Variants in ANKRD46 observed in about 807,000 individuals in gnomAD.
ANKRD46 encodes the protein ankyrin repeat domain 46.
A neutral mutation model predicts 19.8 loss-of-function variants in ANKRD46; 13 were observed. The ratio of observed to expected loss-of-function variants is 0.66; its 90% CI spans 0.43 to 1.04. ANKRD46 has a LOEUF of 1.04. Among genes scored for constraint, ANKRD46 ranks in the 50% least tolerant of loss-of-function variants. ANKRD46 has a pLI of 0.00. For missense variants in ANKRD46, 185 were observed against 274.8 expected (o/e 0.67, Z 2.31); for synonymous variants, 91 against 106.9 (o/e 0.85, Z 0.92).
At chr8:100,535,399 C>G (rs912866212) in intron 1 of ANKRD46, among the ~76,000 whole-genome samples, 5 of 152,232 alleles carry the variant, frequency 3.3e-5, no homozygotes, top group South Asian at 2.1e-4. Flanking sequence ...TCCTGTGCAC[C>G]CTTTATCCAG....
chr8:100,529,566 T>G lies in ANKRD46; in HGVS notation c.268A>C (p.Thr90Pro). The G allele has an allele frequency of 6.2e-7, 1 of 1,614,196 alleles. No homozygotes were observed. Among genetic ancestry groups the G allele is most frequent in the Non-Finnish European group, 8.5e-7 (1 of 1,179,992 alleles). ...TALHLCGHVD[T>P]IQFLVSNGLK... The stretch of plus-strand genomic sequence containing the variant: ...CCATTGGAAACCAAAAATTGGATAG[T>G]ATCCACATGGCCACAGAGGTGAAGA... The change falls in exon 3 of 5, where the codon ACT (threonine) becomes CCT (proline). Residue 90 changes from threonine (T) to proline (P), a missense_variant. Transcript: ENST00000335659. The surrounding 1 kb of genome is among the most constrained non-coding windows in gnomAD (Gnocchi z 5.8).
Position 100,522,645 on chromosome 8 carries a change from G to T in ANKRD46, c.597C>A (p.Ile199=), listed in dbSNP as rs1811749807. ...CAAGAGACAGCAAAGCAATGACGAA[G>T]ATCAACAGCAATACTCTCCAGAAGC... ...DLGFWRVLLL[I]FVIALLSLGI... The change falls in exon 5 of 5, where the codon ATC becomes ATA. Residue 199 remains isoleucine, a synonymous_variant. Transcript: ENST00000335659. 6.2e-7 allele frequency: 1 copy of T among 1,613,998 alleles called. No homozygotes were observed. Among genetic ancestry groups the T allele is most frequent in the South Asian group, 1.1e-5 (1 of 91,068 alleles).
At position 100,510,746 on chromosome 8, in the gene ANKRD46, A is replaced by G; in HGVS notation, c.637-107T>C. 9.7e-7 allele frequency: 1 copy of G among 1,031,708 alleles called. No homozygotes were observed. Among genetic ancestry groups the G allele is most frequent in the East Asian group, 2.7e-5 (1 of 37,550 alleles). The allele number at this position is 1,031,708 out of a possible 1,614,324, so 63.9% of individuals were successfully genotyped here. Reference sequence around the variant, plus strand: ...CAATCATAAATATATAGAACCAGAAAGCACAGGCTTGCTTCTCCTCTGCCC... The same window carrying G: ...CAATCATAAATATATAGAACCAGAAGGCACAGGCTTGCTTCTCCTCTGCCC... On this transcript the variant is annotated intron_variant, in intron 5 of 5. Transcript: ENST00000520552. This position sits in a 1 kb window ranked among gnomAD's most constrained non-coding sequence, Gnocchi z 4.9.
In ANKRD46 at chr8:100,511,104, G is replaced by A. The variant is rs570718846; in HGVS notation, c.637-465C>T. Reference sequence around the variant, plus strand: ...ATTACGCTGATTATTGAGAGCTGCTGTGCACCAACAACAGTGTTGAGCGGC... The same window carrying A: ...ATTACGCTGATTATTGAGAGCTGCTATGCACCAACAACAGTGTTGAGCGGC... On this transcript the variant is annotated intron_variant, in intron 5 of 5. Transcript: ENST00000520552. The surrounding 1 kb of genome is among the most constrained non-coding windows in gnomAD (Gnocchi z 4.1). Among the ~76,000 whole-genome samples, 2 of 152,336 alleles carry A rather than the reference G, an allele frequency of 1.3e-5. No individual in the cohort carries two copies. Among genetic ancestry groups the A allele is most frequent in the Admixed American group, 6.5e-5 (1 of 15,306 alleles).
intron 1 of ANKRD46, among the ~76,000 whole-genome samples, chr8:100,542,853 AT>A (rs913485861): frequency 6.6e-5 from 10 of 152,218 alleles, no homozygotes; most frequent in African/African-American, 2.4e-4. Context: ...GCAGAGCTCA[AT>A]CACCAGTCCT....
chr8:100,536,740 C>T lies in ANKRD46; in HGVS notation c.-130-3429G>A, dbSNP rs1292381675. Among the ~76,000 whole-genome samples the T allele has an allele frequency of 6.6e-6, 1 of 152,156 alleles. No homozygotes were observed. Among genetic ancestry groups the T allele is most frequent in the East Asian group, 1.9e-4 (1 of 5,194 alleles). ...AAAGCATGCTGGTTGCTGACCAGGG[C>T]CCTGGTTCCCAAGGAACAGTGTCCA... On this transcript the variant is annotated intron_variant, in intron 1 of 4. Coordinates refer to ENST00000335659, the MANE Select transcript of ANKRD46 (RefSeq NM_001270377.2). This position sits in a 1 kb window ranked among gnomAD's most constrained non-coding sequence, Gnocchi z 4.9.
Position 100,527,897 on chromosome 8 carries a change from T to C in ANKRD46, c.418A>G (p.Asn140Asp). 6.2e-7 allele frequency: 1 copy of C among 1,613,798 alleles called. No individual in the cohort carries two copies. The highest frequency in any genetic ancestry group is 8.5e-7 in the Non-Finnish European group (1 of 1,179,964). ...SLEEQEVKGF[N>D]RGTHSKLETM... ...TCCAGTTTCGAGTGGGTTCCTCTGTTAAATCCTTTCACCTCCTGTTCTTCC... is the reference window on the plus strand; with the variant it reads ...TCCAGTTTCGAGTGGGTTCCTCTGTCAAATCCTTTCACCTCCTGTTCTTCC... Residue 140 changes from asparagine to aspartate, a missense_variant, in exon 4 of 5, where the codon AAC becomes GAC. Asn to Asp is a conservative substitution (Grantham distance 23). Coordinates refer to ENST00000335659, the MANE Select transcript of ANKRD46 (RefSeq NM_001270377.2). The surrounding 1 kb of genome is among the most constrained non-coding windows in gnomAD (Gnocchi z 4.0).
rs1015365839 is a variant in ANKRD46 at position 100,527,103 on chromosome 8, G to A, written c.470+742C>T. 3.9e-5 allele frequency among the ~76,000 whole-genome samples: 6 copies of A among 152,130 alleles called. No homozygotes were observed. Among genetic ancestry groups the A allele is most frequent in the African/African-American group, 1.4e-4 (6 of 41,432 alleles). On this transcript the variant is annotated intron_variant, in intron 4 of 4. Coordinates refer to ENST00000335659, the MANE Select transcript of ANKRD46 (RefSeq NM_001270377.2). This position sits in a 1 kb window ranked among gnomAD's most constrained non-coding sequence, Gnocchi z 4.0. Reference sequence around the variant, plus strand: ...CAGTGACATCAGGAGAAAAGATGGTGCGCCACCTTTTTGGAGCTCTCTGAA... The same window carrying A: ...CAGTGACATCAGGAGAAAAGATGGTACGCCACCTTTTTGGAGCTCTCTGAA...
intron 5 of ANKRD46, among the ~76,000 whole-genome samples, chr8:100,514,874 A>G (rs1039754627): frequency 4.6e-5 from 7 of 152,002 alleles, no homozygotes; most frequent in Admixed American, 3.3e-4. Flanking sequence ...TTCTGACCTC[A>G]AGTGATCCAA....
At chr8:100,520,590 C>A (rs1437355272), downstream of ANKRD46, among the ~76,000 whole-genome samples, 1 of 151,928 alleles carries the variant, frequency 6.6e-6, no homozygotes, top group Admixed American at 6.6e-5. Context: ...AATCTACGAG[C>A]AATTCACTCA....
At chr8:100,553,710 C>G (rs887042210) in intron 1 of ANKRD46, among the ~76,000 whole-genome samples, 2 of 152,202 alleles carry the variant, frequency 1.3e-5, no homozygotes, top group African/African-American at 4.8e-5. Flanking sequence ...GGTTGCACCA[C>G]TGCACTCCAG....
Position 100,511,851 on chromosome 8 carries a change from G to A in ANKRD46, c.637-1212C>T, listed in dbSNP as rs113149452. 5.3e-5 allele frequency among the ~76,000 whole-genome samples: 8 copies of A among 152,134 alleles called. No individual in the cohort carries two copies. The highest frequency in any genetic ancestry group is 3.9e-4 in the East Asian group (2 of 5,162). ...CCAGCCTGGCCAACAATGGTGAAACGCCATCTCTACTAAAAATACAAAAAT... is the reference window on the plus strand; with the variant it reads ...CCAGCCTGGCCAACAATGGTGAAACACCATCTCTACTAAAAATACAAAAAT... On this transcript the variant is annotated intron_variant, in intron 5 of 5. Transcript: ENST00000520552. This position sits in a 1 kb window ranked among gnomAD's most constrained non-coding sequence, Gnocchi z 4.1.
Position 100,520,998 on chromosome 8 carries a change from T to C in ANKRD46, c.*1557A>G. 1.0e-6 allele frequency: 1 copy of C among 985,300 alleles called. No homozygotes were observed. Among genetic ancestry groups the C allele is most frequent in the Non-Finnish European group, 1.2e-6 (1 of 829,890 alleles). The allele number at this position is 985,300 out of a possible 1,614,324, so 61.0% of individuals were successfully genotyped here. The stretch of plus-strand genomic sequence containing the variant: ...AAATTTGAATTGTAGTGTTCTCCAT[T>C]CCAAAGCCAGCTGTTTTTTGCTGGA... On this transcript the variant is annotated 3_prime_UTR_variant, in exon 5 of 5. Coordinates refer to ENST00000335659, the MANE Select transcript of ANKRD46 (RefSeq NM_001270377.2).
chr8:100,521,073 C>T lies in ANKRD46; in HGVS notation c.*1482G>A. ...GTTTGTATCTAACCTAAAAGCAAGA[C>T]TCTGCAAGCTGATCCTGAAGCAGCC... On this transcript the variant is annotated 3_prime_UTR_variant, in exon 5 of 5. Transcript: ENST00000335659. The T allele has an allele frequency of 1.0e-6, 1 of 985,124 alleles. No individual in the cohort carries two copies. The highest frequency in any genetic ancestry group is 1.2e-6 in the Non-Finnish European group (1 of 829,898). The allele number at this position is 985,124 out of a possible 1,614,324, so 61.0% of individuals were successfully genotyped here.
At chr8:100,517,554 G>A (rs1356321241), downstream of ANKRD46, among the ~76,000 whole-genome samples, 1 of 152,206 alleles carries the variant, frequency 6.6e-6, no homozygotes, top group Non-Finnish European at 1.5e-5. Context: ...CTGTCCCCAG[G>A]TGAATGTAGA....
chr8:100,538,003 A>G (rs1812097992), intron 1 of ANKRD46, among the ~76,000 whole-genome samples: 1 of 152,154 alleles, frequency 6.6e-6, no homozygotes, highest in South Asian at 2.1e-4. Flanking sequence ...AACTGTCCTA[A>G]AATTCCTGCC....
downstream of ANKRD46, among the ~76,000 whole-genome samples, chr8:100,516,566 A>G (rs1245194357): frequency 6.6e-6 from 1 of 152,242 alleles, no homozygotes. Context: ...CAAGAAAATA[A>G]AACTAAAGAT....
rs1206855904 is a variant in ANKRD46, at chr8:100,510,176, C to T, written c.*401G>A. 1 of 178,756 alleles carries T rather than the reference C, an allele frequency of 5.6e-6. No individual in the cohort carries two copies. The highest frequency in any genetic ancestry group is 6.2e-5 in the Admixed American group (1 of 16,012). The allele number at this position is 178,756 out of a possible 1,614,324, so 11.1% of individuals were successfully genotyped here. On this transcript the variant is annotated 3_prime_UTR_variant, in exon 6 of 6. Transcript: ENST00000520552. The surrounding 1 kb of genome is among the most constrained non-coding windows in gnomAD (Gnocchi z 4.9). ...GTTTTCTTCACAACTGAAATTGGAT[C>T]CCCACAGTCCATGGAGACAAACAAA... is the stretch of plus-strand genomic sequence containing the variant.
rs140178534 is a variant in ANKRD46 at position 100,551,550 on chromosome 8, A to C, written c.-131+8161T>G. On this transcript the variant is annotated intron_variant, in intron 1 of 4. Transcript: ENST00000335659. ...TTCTCAGCCTTGACGGTGTGGTGGA[A>C]TTTGCCATGGGTAGAAATACTGGAA... 34 of 788,918 alleles carry C rather than the reference A, an allele frequency of 4.3e-5. 1 individual carries two copies. The African/African-American group carries it at 4.9e-4, about 11-fold the overall frequency. The allele number at this position is 788,918 out of a possible 1,614,324, so 48.9% of individuals were successfully genotyped here.
Sources: gnomAD v4.1 joint callset for allele counts (sites outside exome capture counted in the v4.1 genomes callset) on GRCh38, gnomAD v4.1.1 for gene constraint, Gnocchi (gnomAD v3.1) non-coding constraint, MANE v1.5 for transcripts, NCBI Gene and HGNC (gene_info 2026-07-23, HGNC 2026-07-21) for gene names.